BZW1: variants seen among roughly 807,000 people sequenced by gnomAD.
BZW1 encodes eIF5-mimic protein 2.
BZW1 carries 3 observed loss-of-function variants against 54.1 expected under a neutral mutation model. That is an observed-to-expected ratio of 0.06 (90% CI 0.03 to 0.14). The LOEUF (loss-of-function observed/expected upper bound fraction) is 0.14. Among genes scored for constraint, BZW1 ranks in the 10% least tolerant of loss-of-function variants. The pLI is 1.00. For missense variants in BZW1, 206 were observed against 491.7 expected, an observed-to-expected ratio of 0.42 and a Z score of 5.50; for synonymous variants, 152 against 162.7, an observed-to-expected ratio of 0.93 and a Z score of 0.50.
chr2:200,814,671 G>A (rs2038221556), intron 2 of BZW1, among the ~76,000 whole-genome samples: 1 of 152,150 alleles, frequency 6.6e-6, no homozygotes. Flanking sequence ...TGGCGAGTGA[G>A]ACTATTTGCT....
At chr2:200,821,008 G>T (rs145548928) in intron 10 of BZW1, among the ~76,000 whole-genome samples, 175 bp from the exon 11 acceptor site, 42 of 152,338 alleles carry the variant, frequency 2.8e-4, no homozygotes, top group African/African-American at 9.9e-4. Context: ...GACCAGTCTT[G>T]ATCCCGTTGA....
intron 1 of BZW1, chr2:200,812,364 T>G: frequency 7.8e-7 from 1 of 1,283,294 alleles, no homozygotes; most frequent in Non-Finnish European, 9.8e-7. Context: ...CCACCACCGC[T>G]GCGGCCGCCG....
At chr2:200,817,916 A>T in intron 6 of BZW1, 58 bp from the exon 7 acceptor site, 2 of 1,183,282 alleles carry the variant, frequency 1.7e-6, no homozygotes, top group Non-Finnish European at 2.4e-6. Context: ...ATATAGGGGG[A>T]CACAGTGATT....
chr2:200,818,783 A>G lies in BZW1; in HGVS notation c.848A>G (p.Lys283Arg). 1 of 1,586,688 alleles carries G rather than the reference A, an allele frequency of 6.3e-7. No individual in the cohort carries two copies. Among genetic ancestry groups the G allele is most frequent in the South Asian group, 1.2e-5 (1 of 85,556 alleles). ...DIILYVKEEMKKNNIPEPVVI... is the reference protein window; with the variant it reads ...DIILYVKEEMRKNNIPEPVVI... Reference sequence around the variant, plus strand: ...ATTTTATATGTCAAGGAGGAGATGAAAAAAAACAACATCCCAGAGCCAGTT... The same window carrying G: ...ATTTTATATGTCAAGGAGGAGATGAGAAAAAACAACATCCCAGAGCCAGTT... The change falls in exon 9 of 12, where the codon AAA becomes AGA. Residue 283 changes from lysine to arginine, a missense_variant. Transcript: ENST00000409600.
At chr2:200,821,408 TGGAGTAGA>T in intron 11 of BZW1, 103 bp downstream of exon 11, 1 of 1,396,250 alleles carries the variant, frequency 7.2e-7, no homozygotes, top group East Asian at 2.3e-5. Context: ...ATTTTGTACC[TGGAGTAGA>T]GATTTTTGTT....
intron 11 of BZW1, among the ~76,000 whole-genome samples, chr2:200,821,558 C>CT (rs60011087): frequency 0.06 from 8,636 of 144,648 alleles, 317 homozygotes; most frequent in South Asian, 0.1. Flanking sequence ...GATTTCTTTT[C>CT]TTTTTTTTTT....
chr2:200,812,185 C>T lies in BZW1; in HGVS notation c.-11+195C>T, dbSNP rs1362762453. The T allele has an allele frequency of 1.4e-5, 17 of 1,208,270 alleles. No homozygotes were observed. The South Asian group carries it at 2.5e-4, about 18-fold the overall frequency. The allele number at this position is 1,208,270 out of a possible 1,614,324, so 74.8% of individuals were successfully genotyped here. On this transcript the variant is annotated intron_variant, in intron 1 of 11. Transcript: ENST00000409600. ...GGGAGGCCGAGGGGTAGCGGCGGCC[C>T]GGGTGGGGAGGTGGGGTCCGGGTGT...
intron 11 of BZW1, among the ~76,000 whole-genome samples, chr2:200,821,775 C>A (rs2038524518): frequency 6.6e-6 from 1 of 152,084 alleles, no homozygotes; most frequent in Non-Finnish European, 1.5e-5. Flanking sequence ...TTAACAGCTT[C>A]AAAGTTACAT....
intron 2 of BZW1, 74 bp downstream of exon 2, chr2:200,813,355 A>G (rs913727767): frequency 3.8e-6 from 5 of 1,319,756 alleles, no homozygotes; most frequent in South Asian, 1.3e-5. Flanking sequence ...TCTGACAGGT[A>G]CTTGCATATT....
chr2:200,816,138 G>A (rs959719136), intron 4 of BZW1, among the ~76,000 whole-genome samples, 187 bp from the exon 5 acceptor site: 6 of 152,196 alleles, frequency 3.9e-5, no homozygotes, highest in East Asian at 1.9e-4. Flanking sequence ...AGTTTCATAC[G>A]TAGTTATGTT....
intron 5 of BZW1, among the ~76,000 whole-genome samples, chr2:200,816,651 C>T (rs2038303274): frequency 6.6e-6 from 1 of 152,074 alleles, no homozygotes; most frequent in Non-Finnish European, 1.5e-5. Context: ...GCCACCATGC[C>T]CAGCTAATTT....
rs2038628952 is a variant in BZW1, at chr2:200,824,194, G to GT, written c.*2017dup. On this transcript the variant is annotated 3_prime_UTR_variant, in exon 12 of 12. Coordinates refer to ENST00000409600, the MANE Select transcript of BZW1 (RefSeq NM_001207067.2). ...TAGTAAGTGGATATCACTTGTGACAGTAATAGTGTAAAGAAAGGGAATGCT... is the reference window on the plus strand; with the variant it reads ...TAGTAAGTGGATATCACTTGTGACAGTTAATAGTGTAAAGAAAGGGAATGCT... 1 of 152,136 alleles carries GT rather than the reference G, an allele frequency of 6.6e-6. No individual in the cohort carries two copies. Among genetic ancestry groups the GT allele is most frequent in the Non-Finnish European group, 1.5e-5 (1 of 68,008 alleles). The allele number at this position is 152,136 out of a possible 1,614,324, so 9.4% of individuals were successfully genotyped here.
At chr2:200,812,194 A>C in intron 1 of BZW1, 1 of 1,210,498 alleles carries the variant, frequency 8.3e-7, no homozygotes, top group Non-Finnish European at 1.0e-6. Flanking sequence ...CCGGGTGGGG[A>C]GGTGGGGTCC....
intron 10 of BZW1, among the ~76,000 whole-genome samples, chr2:200,820,533 TAGGC>T (rs1024935835): frequency 4.6e-5 from 7 of 152,078 alleles, no homozygotes; most frequent in African/African-American, 1.7e-4. Flanking sequence ...AATAAAAAAT[TAGGC>T]AGGGAATGGT....
intron 2 of BZW1, chr2:200,813,509 C>T: frequency 2.7e-6 from 1 of 368,666 alleles, no homozygotes; most frequent in Non-Finnish European, 4.9e-6. Flanking sequence ...GTTAGTGAAT[C>T]TTCTTTTCGG....
At position 200,818,335 on chromosome 2, in the gene BZW1, G is replaced by A; in HGVS notation, c.761G>A (p.Arg254His). 1.2e-6 allele frequency: 2 copies of A among 1,605,292 alleles called. No individual in the cohort carries two copies. Among genetic ancestry groups the A allele is most frequent in the Non-Finnish European group, 1.7e-6 (2 of 1,177,594 alleles). Reference sequence around the variant, plus strand: ...CGGAATCAGCAAACCATCGGAGCTCGTAAGGAGCTCCAGAAAGAACTTCAA... The same window carrying A: ...CGGAATCAGCAAACCATCGGAGCTCATAAGGAGCTCCAGAAAGAACTTCAA... ...YVRNQQTIGA[R>H]KELQKELQEQ... Residue 254 changes from arginine (R) to histidine (H), a missense_variant, in exon 8 of 12, where the codon CGT (arginine) becomes CAT (histidine). Around this residue, in one of 5 missense-constraint regions of BZW1, gnomAD observed 81 missense variants for 257.1 expected, o/e 0.32. Transcript: ENST00000409600.
rs572980476 is a variant in BZW1 at position 200,825,498 on chromosome 2, T to G, written c.*3320T>G. Reference sequence around the variant, plus strand: ...TTTATGTTTATACAGTGAAGTAGTATTTTTTCTGTCAGGGTCAATAGAAAG... The same window carrying G: ...TTTATGTTTATACAGTGAAGTAGTAGTTTTTCTGTCAGGGTCAATAGAAAG... On this transcript the variant is annotated 3_prime_UTR_variant, in exon 12 of 12. Transcript: ENST00000409600. The G allele has an allele frequency of 3.9e-5, 6 of 152,112 alleles. No individual in the cohort carries two copies. The highest frequency in any genetic ancestry group is 3.4e-3 in the Middle Eastern group (1 of 294). The allele number at this position is 152,112 out of a possible 1,614,324, so 9.4% of individuals were successfully genotyped here.
At chr2:200,812,145 G>A (rs1249696524) in intron 1 of BZW1, 155 bp downstream of exon 1, 1 of 1,079,828 alleles carries the variant, frequency 9.3e-7, no homozygotes, top group African/African-American at 1.6e-5. Context: ...GGCCTGAAAG[G>A]CCGCCGCTTC....
In BZW1 at chr2:200,824,904, C is replaced by T. The variant is rs1351506016; in HGVS notation, c.*2726C>T. The T allele has an allele frequency of 6.6e-6, 1 of 152,080 alleles. No homozygotes were observed. The highest frequency in any genetic ancestry group is 1.5e-5 in the Non-Finnish European group (1 of 68,046). The allele number at this position is 152,080 out of a possible 1,614,324, so 9.4% of individuals were successfully genotyped here. On this transcript the variant is annotated 3_prime_UTR_variant, in exon 12 of 12. Transcript: ENST00000409600. ...AGCGAGGATGGTCTCAATCTCCTGA[C>T]CTTGTGATCCACCCGCCTCAGCCTC... is the stretch of plus-strand genomic sequence containing the variant.
Sources: allele counts gnomAD v4.1 joint callset (sites outside exome capture counted in the v4.1 genomes callset), GRCh38; gene constraint gnomAD v4.1.1; regional missense constraint gnomAD v4.1.1; transcripts MANE v1.5; gene names NCBI Gene and HGNC (gene_info 2026-07-23, HGNC 2026-07-21).